RNF144B: variants seen among roughly 807,000 people sequenced by gnomAD.
The protein encoded by RNF144B is E3 ubiquitin-protein ligase RNF144B.
A neutral mutation model predicts 40.2 loss-of-function variants in RNF144B; 25 were observed. That is an observed-to-expected ratio of 0.62 (90% CI 0.45 to 0.87). The LOEUF (loss-of-function observed/expected upper bound fraction) is 0.87, where lower values mean the gene tolerates loss of function less well. Among genes scored for constraint, RNF144B ranks in the 40% least tolerant of loss-of-function variants. RNF144B has a pLI of 0.00. For missense variants in RNF144B, 365 were observed against 373.7 expected, an observed-to-expected ratio of 0.98 and a Z score of 0.19; for synonymous variants, 145 against 136.3, an observed-to-expected ratio of 1.06 and a Z score of -0.44.
chr6:18,449,375 C>T (rs750622689), intron 4 of RNF144B, among the ~76,000 whole-genome samples: 17 of 152,076 alleles, frequency 1.1e-4, no homozygotes, highest in Non-Finnish European at 2.4e-4. Flanking sequence ...TTCTCACAAA[C>T]GTAATCATCT....
chr6:18,439,757 CT>C lies in RNF144B; in HGVS notation c.331+20del, dbSNP rs1279031272. 6 of 1,559,904 alleles carry C rather than the reference CT, an allele frequency of 3.8e-6. No homozygotes were observed. The highest frequency in any genetic ancestry group is 4.4e-6 in the Non-Finnish European group (5 of 1,131,076). On this transcript the variant is annotated intron_variant, in intron 4 of 7. Coordinates refer to ENST00000259939, the MANE Select transcript of RNF144B (RefSeq NM_182757.4). The stretch of plus-strand genomic sequence containing the variant: ...AAATTTGAAAGAGGTATGAACTCTT[CT>C]TTTTTTCCTGATGATGAATGTGGTT...
rs745723956 is a variant in RNF144B at position 18,465,088 on chromosome 6, C to T, written c.*21C>T. 2.5e-6 allele frequency: 4 copies of T among 1,612,142 alleles called. No individual in the cohort carries two copies. The highest frequency in any genetic ancestry group is 3.4e-6 in the Non-Finnish European group (4 of 1,179,012). ...CCTAAAGATCTCTGTGTTCATACGC[C>T]CCAGATATGTGAGTTACATGAGATG... is the stretch of plus-strand genomic sequence containing the variant. On this transcript the variant is annotated 3_prime_UTR_variant, in exon 8 of 8. Coordinates refer to ENST00000259939, the MANE Select transcript of RNF144B (RefSeq NM_182757.4).
rs555075161 is a variant in RNF144B, at chr6:18,459,659, C to T, written c.589C>T (p.Arg197Trp). The change falls in exon 6 of 8, where the codon CGG becomes TGG. Residue 197 changes from arginine (R) to tryptophan (W), a missense_variant. By Grantham distance (101) the Arg-to-Trp change is moderately radical. Coordinates refer to ENST00000259939, the MANE Select transcript of RNF144B (RefSeq NM_182757.4). This position sits in a 1 kb window ranked among gnomAD's most constrained non-coding sequence, Gnocchi z 4.2. ...CCCCATTAAGCAGTGCCCAGTTTGC[C>T]GGGTTTATATCGAACGCAATGAAGG... ...EAPIKQCPVC[R>W]VYIERNEGCA... 49 of 1,614,012 alleles carry T rather than the reference C, an allele frequency of 3.0e-5. No homozygotes were observed. Among genetic ancestry groups the T allele is most frequent in the Middle Eastern group, 1.7e-4 (1 of 6,060 alleles).
chr6:18,438,416 G>A (rs1758872569), intron 3 of RNF144B, among the ~76,000 whole-genome samples: 1 of 152,060 alleles, frequency 6.6e-6, no homozygotes, highest in Non-Finnish European at 1.5e-5. Flanking sequence ...AGATGAAAAT[G>A]CAACATTTTC....
chr6:18,389,970 A>C (rs7752879), intron 1 of RNF144B, among the ~76,000 whole-genome samples: 41,361 of 151,984 alleles, frequency 0.27, 5,832 homozygotes, highest in East Asian at 0.41. Context: ...CTCTCCTCCA[A>C]GTACAATCAG....
rs1758525485 is a variant in RNF144B at position 18,425,277 on chromosome 6, C to A, written c.166-2304C>A. ...TTCCCCTTGAGCCTGGAGACTATAT[C>A]TTTCAGTCTTTTTACTTAAATTTCT... On this transcript the variant is annotated intron_variant, in intron 2 of 7. Transcript: ENST00000259939. This position sits in a 1 kb window ranked among gnomAD's most constrained non-coding sequence, Gnocchi z 4.2. Among the ~76,000 whole-genome samples the A allele has an allele frequency of 6.6e-6, 1 of 152,152 alleles. No homozygotes were observed. The highest frequency in any genetic ancestry group is 1.5e-5 in the Non-Finnish European group (1 of 68,018).
chr6:18,387,957 C>T (rs930901281), intron 1 of RNF144B, among the ~76,000 whole-genome samples: 1 of 152,100 alleles, frequency 6.6e-6, no homozygotes, highest in African/African-American at 2.4e-5. Context: ...TCGGATTATG[C>T]ATTATAGTGC....
At chr6:18,433,633 T>C (rs1758745753) in intron 3 of RNF144B, among the ~76,000 whole-genome samples, 1 of 152,178 alleles carries the variant, frequency 6.6e-6, no homozygotes, top group South Asian at 2.1e-4. Flanking sequence ...CTATAGCACA[T>C]GTGAAACAAA....
In RNF144B at chr6:18,448,078, G is replaced by T. The variant is rs993671393; in HGVS notation, c.331+8334G>T. Among the ~76,000 whole-genome samples the T allele has an allele frequency of 1.3e-5, 2 of 152,146 alleles. No homozygotes were observed. The highest frequency in any genetic ancestry group is 2.9e-5 in the Non-Finnish European group (2 of 68,018). On this transcript the variant is annotated intron_variant, in intron 4 of 7. Transcript: ENST00000259939. The surrounding 1 kb of genome is among the most constrained non-coding windows in gnomAD (Gnocchi z 4.0). ...GACAGAGAAGTGCCAGCTTGGAGAG[G>T]GTTCAGGGTACTATGAGAAGAAAAA...
intron 2 of RNF144B, among the ~76,000 whole-genome samples, chr6:18,401,150 A>G (rs6907980): frequency 0.38 from 57,232 of 152,094 alleles, 12,367 homozygotes; most frequent in East Asian, 0.7. Context: ...AAAAGAATTC[A>G]ATTTTTGCTA....
In RNF144B at chr6:18,444,839, T is replaced by G. The variant is rs536089075; in HGVS notation, c.331+5095T>G. 9.2e-5 allele frequency among the ~76,000 whole-genome samples: 14 copies of G among 152,308 alleles called. No homozygotes were observed. Among genetic ancestry groups the G allele is most frequent in the African/African-American group, 3.4e-4 (14 of 41,578 alleles). ...TGGTTCCATCTTTCTTTGAAAGCCC[T>G]TTTGTTCTCAGCATTCTCCTCAAGC... On this transcript the variant is annotated intron_variant, in intron 4 of 7. Coordinates refer to ENST00000259939, the MANE Select transcript of RNF144B (RefSeq NM_182757.4). This position sits in a 1 kb window ranked among gnomAD's most constrained non-coding sequence, Gnocchi z 4.3.
At chr6:18,440,933 G>A (rs1456878300) in intron 4 of RNF144B, among the ~76,000 whole-genome samples, 1 of 151,718 alleles carries the variant, frequency 6.6e-6, no homozygotes, top group Non-Finnish European at 1.5e-5. Context: ...ATTCCAAATG[G>A]TGGGTACGTT....
chr6:18,433,341 G>T (rs1191284082), intron 3 of RNF144B, among the ~76,000 whole-genome samples: 2 of 152,158 alleles, frequency 1.3e-5, no homozygotes, highest in African/African-American at 4.8e-5. Context: ...AGAGGAATCC[G>T]CCAAGCCAGA....
At chr6:18,439,626 T>G (rs1383752059) in intron 3 of RNF144B, 58 bp from the exon 4 acceptor site, 3 of 1,165,024 alleles carry the variant, frequency 2.6e-6, no homozygotes, top group Non-Finnish European at 3.9e-6. Flanking sequence ...ATCAAAAGGC[T>G]GGTAACTCAG....
chr6:18,389,112 T>C (rs753208594), intron 1 of RNF144B, among the ~76,000 whole-genome samples: 1 of 152,154 alleles, frequency 6.6e-6, no homozygotes, highest in Non-Finnish European at 1.5e-5. Flanking sequence ...ACCCAGAGTT[T>C]TACAAATATT....
At chr6:18,417,158 G>A (rs1562046079) in intron 2 of RNF144B, among the ~76,000 whole-genome samples, 1 of 152,082 alleles carries the variant, frequency 6.6e-6, no homozygotes, top group Non-Finnish European at 1.5e-5. Context: ...TGTTAAGGTG[G>A]CAGTACTCCC....
At position 18,443,774 on chromosome 6, in the gene RNF144B, C is replaced by G. The variant is rs566637216; in HGVS notation, c.331+4030C>G. On this transcript the variant is annotated intron_variant, in intron 4 of 7. Transcript: ENST00000259939. This position sits in a 1 kb window ranked among gnomAD's most constrained non-coding sequence, Gnocchi z 4.7. Reference sequence around the variant, plus strand: ...ATAGACTTCTTATCTACCTCAAACTCGAGACCTTCATCAGCTAGGTGACTT... The same window carrying G: ...ATAGACTTCTTATCTACCTCAAACTGGAGACCTTCATCAGCTAGGTGACTT... Among the ~76,000 whole-genome samples the G allele has an allele frequency of 6.6e-6, 1 of 152,096 alleles. No homozygotes were observed. The highest frequency in any genetic ancestry group is 1.5e-5 in the Non-Finnish European group (1 of 68,026).
rs1759131150 is a variant in RNF144B at position 18,448,368 on chromosome 6, C to T, written c.331+8624C>T. 2.0e-5 allele frequency among the ~76,000 whole-genome samples: 3 copies of T among 152,004 alleles called. No homozygotes were observed. Among genetic ancestry groups the T allele is most frequent in the African/African-American group, 7.2e-5 (3 of 41,410 alleles). ...AGGTTACGGACATGGATGCAGGCAGCCTAGTAGATTGGTCTGCATGGGTTC... is the reference window on the plus strand; with the variant it reads ...AGGTTACGGACATGGATGCAGGCAGTCTAGTAGATTGGTCTGCATGGGTTC... On this transcript the variant is annotated intron_variant, in intron 4 of 7. Coordinates refer to ENST00000259939, the MANE Select transcript of RNF144B (RefSeq NM_182757.4). The surrounding 1 kb of genome is among the most constrained non-coding windows in gnomAD (Gnocchi z 4.0).
chr6:18,394,246 G>A (rs1427327337), intron 1 of RNF144B, among the ~76,000 whole-genome samples: 2 of 152,170 alleles, frequency 1.3e-5, no homozygotes, highest in African/African-American at 4.8e-5. Flanking sequence ...ATCTTTTTGT[G>A]TAAGGGAATA....
Sources: gnomAD v4.1 joint callset for allele counts (sites outside exome capture counted in the v4.1 genomes callset) on GRCh38, gnomAD v4.1.1 for gene constraint, Gnocchi (gnomAD v3.1) non-coding constraint, MANE v1.5 for transcripts, NCBI Gene and HGNC (gene_info 2026-07-23, HGNC 2026-07-21) for gene names.